TECPR2: variants seen among roughly 807,000 people sequenced by gnomAD.
The protein encoded by TECPR2 is tectonin beta-propeller repeat containing 2.
Under a neutral mutation model 138.1 loss-of-function variants are expected in TECPR2, and 65 were observed. The observed-to-expected ratio is 0.47, with a 90% CI of 0.39 to 0.58. The LOEUF (loss-of-function observed/expected upper bound fraction) is 0.58, where lower values mean the gene tolerates loss of function less well. Ranked by LOEUF, TECPR2 falls within the 20% of genes least tolerant of loss-of-function variation. TECPR2 has a pLI of 0.00. For missense variants in TECPR2, 1,553 were observed against 1,824.5 expected (o/e 0.85, Z 2.71); for synonymous variants, 746 against 749.8 (o/e 0.99, Z 0.08).
chr14:102,424,651 G>A (rs1050815140), intron 5 of TECPR2, among the ~76,000 whole-genome samples: 9 of 152,304 alleles, frequency 5.9e-5, no homozygotes, highest in East Asian at 5.8e-4. Flanking sequence ...TATGTGATGC[G>A]TGACTGTATC....
chr14:102,450,556 C>A lies in TECPR2; in HGVS notation c.3317-4C>A, dbSNP rs1198329741. ...AACACATTCTTCCTATTTACTCTTT[C>A]CAGGCACCTACTGGAATCATGTGGT... On this transcript the variant is annotated splice_region_variant and splice_polypyrimidine_tract_variant and intron_variant, in intron 14 of 19. Coordinates refer to ENST00000359520, the MANE Select transcript of TECPR2 (RefSeq NM_014844.5). The A allele has an allele frequency of 1.2e-6, 2 of 1,613,898 alleles. No homozygotes were observed. The highest frequency in any genetic ancestry group is 1.7e-5 in the Admixed American group (1 of 59,994).
chr14:102,373,273 TAC>T (rs780362583), intron 1 of TECPR2, among the ~76,000 whole-genome samples: 3 of 152,198 alleles, frequency 2.0e-5, no homozygotes, highest in Non-Finnish European at 2.9e-5. Context: ...GTTTTCAACT[TAC>T]AGAGTTTCAA....
At chr14:102,425,978 G>A (rs1285874985) in intron 6 of TECPR2, among the ~76,000 whole-genome samples, 3 of 142,292 alleles carry the variant, frequency 2.1e-5, no homozygotes, top group Non-Finnish European at 4.5e-5. Flanking sequence ...TCCACCTCCC[G>A]AGTTCAAGCG....
chr14:102,388,577 C>A (rs1888082087), intron 2 of TECPR2, among the ~76,000 whole-genome samples: 1 of 151,972 alleles, frequency 6.6e-6, no homozygotes, highest in Non-Finnish European at 1.5e-5. Flanking sequence ...GCCTGTTAAC[C>A]CAACACTTTG....
intron 17 of TECPR2, among the ~76,000 whole-genome samples, chr14:102,492,497 A>T (rs1891180262): frequency 6.6e-6 from 1 of 152,238 alleles, no homozygotes; most frequent in African/African-American, 2.4e-5. Context: ...ATTTTCCTCC[A>T]GTAATACAAA....
intron 1 of TECPR2, among the ~76,000 whole-genome samples, chr14:102,370,722 T>G (rs1887482466): frequency 6.6e-6 from 1 of 152,036 alleles, no homozygotes; most frequent in Non-Finnish European, 1.5e-5. Flanking sequence ...ATCAGGAAAA[T>G]CCCTCTGTTT....
At chr14:102,371,525 G>A (rs1887508655) in intron 1 of TECPR2, among the ~76,000 whole-genome samples, 1 of 152,102 alleles carries the variant, frequency 6.6e-6, no homozygotes, top group South Asian at 2.1e-4. Context: ...TGCCCGCTGG[G>A]GACTTCTTGG....
intron 17 of TECPR2, among the ~76,000 whole-genome samples, chr14:102,493,798 G>A (rs1028756458): frequency 2.0e-5 from 3 of 152,302 alleles, no homozygotes; most frequent in East Asian, 1.9e-4. Context: ...CGGCTCCCTC[G>A]GATCCCTTGG....
In TECPR2 at chr14:102,383,735, A is replaced by G. The variant is rs564591033; in HGVS notation, c.219+6795A>G. Among the ~76,000 whole-genome samples, 20 of 151,740 alleles carry G rather than the reference A, an allele frequency of 1.3e-4. No homozygotes were observed. In the South Asian group the frequency reaches 4.2e-3, roughly 32 times the overall value. On this transcript the variant is annotated intron_variant, in intron 2 of 19. Coordinates refer to ENST00000359520, the MANE Select transcript of TECPR2 (RefSeq NM_014844.5). ...GTATTGTCTTTTAGAAAAACTGTAT[A>G]ACTATTTAAATATTTTCAGTCACCA... is the stretch of plus-strand genomic sequence containing the variant.
chr14:102,364,328 T>TTTG (rs757069228), intron 1 of TECPR2, among the ~76,000 whole-genome samples: 1 of 152,200 alleles, frequency 6.6e-6, no homozygotes, highest in African/African-American at 2.4e-5. Context: ...TGACCTTATT[T>TTTG]TTGTTGTTGT....
Position 102,481,011 on chromosome 14 carries a change from A to AT in TECPR2, c.3789+15740dup, listed in dbSNP as rs564316192. On this transcript the variant is annotated intron_variant, in intron 17 of 19. Coordinates refer to ENST00000359520, the MANE Select transcript of TECPR2 (RefSeq NM_014844.5). The stretch of plus-strand genomic sequence containing the variant: ...AGGCACCCGCCACCACGCCTGGCTA[A>AT]TTTTTTTTTTTTTTTTTTGAGACAG... Among the ~76,000 whole-genome samples the AT allele has an allele frequency of 8.3e-3, 1,072 of 128,842 alleles. 15 individuals carry two copies. The highest frequency in any genetic ancestry group is 0.025 in the African/African-American group (861 of 34,860). 84.5% of individuals were successfully genotyped at this position (128,842 alleles called of 152,430 possible). A position where few individuals can be genotyped will look rare whatever the true frequency, so the allele number is the denominator to read the frequency against.
intron 2 of TECPR2, among the ~76,000 whole-genome samples, chr14:102,404,149 C>T (rs1452984541): frequency 6.6e-6 from 1 of 151,838 alleles, no homozygotes; most frequent in Non-Finnish European, 1.5e-5. Flanking sequence ...AGTGATCCTC[C>T]TGCCTTGGCC....
At chr14:102,401,811 A>C (rs2139686561) in intron 2 of TECPR2, among the ~76,000 whole-genome samples, 1 of 150,854 alleles carries the variant, frequency 6.6e-6, no homozygotes, top group East Asian at 1.9e-4. Flanking sequence ...TCTCAAAAAA[A>C]AAAAAAAAAA....
At position 102,432,103 on chromosome 14, in the gene TECPR2, A is replaced by C; in HGVS notation, c.1392A>C (p.Lys464Asn). The change falls in exon 8 of 20, where the codon AAA becomes AAC. Residue 464 changes from lysine to asparagine, a missense_variant. Physicochemically the swap from Lys to Asn is moderately conservative, Grantham distance 94. Transcript: ENST00000359520. ...QELVVKPIKV[K>N]RKKKKKKTEG... ...TTGTCGTGAAGCCTATCAAAGTGAA[A>C]AGGAAGAAGAAGAAGAAGAAGACAG... 6.3e-7 allele frequency: 1 copy of C among 1,592,570 alleles called. No homozygotes were observed. Among genetic ancestry groups the C allele is most frequent in the Non-Finnish European group, 8.6e-7 (1 of 1,166,798 alleles).
chr14:102,463,052 G>A (rs1238714537), intron 16 of TECPR2, among the ~76,000 whole-genome samples: 1 of 152,148 alleles, frequency 6.6e-6, no homozygotes, highest in Admixed American at 6.5e-5. Flanking sequence ...TCAGGGGTGC[G>A]GGCAGCCAGA....
chr14:102,488,591 G>C (rs1414655791), intron 17 of TECPR2, among the ~76,000 whole-genome samples: 1 of 151,906 alleles, frequency 6.6e-6, no homozygotes, highest in Non-Finnish European at 1.5e-5. Context: ...TGGTCCGCCT[G>C]CCTCAGCCTC....
chr14:102,451,492 A>G (rs1233854654), intron 15 of TECPR2, among the ~76,000 whole-genome samples: 1 of 152,196 alleles, frequency 6.6e-6, no homozygotes, highest in Admixed American at 6.5e-5. Flanking sequence ...TGAGTCTGGC[A>G]TAAATTAATT....
chr14:102,414,939 C>G lies in TECPR2; in HGVS notation c.638+146C>G, dbSNP rs534323216. 62 of 958,468 alleles carry G rather than the reference C, an allele frequency of 6.5e-5. No homozygotes were observed. In the East Asian group the frequency reaches 1.5e-3, roughly 23 times the overall value. The allele number at this position is 958,468 out of a possible 1,614,324, so 59.4% of individuals were successfully genotyped here. A position where few individuals can be genotyped will look rare whatever the true frequency, so the allele number is the denominator to read the frequency against. On this transcript the variant is annotated intron_variant, in intron 5 of 19. Coordinates refer to ENST00000359520, the MANE Select transcript of TECPR2 (RefSeq NM_014844.5). ...TAAGCCTGGGGTTCCTGGTGGGGCC[C>G]TGTGCCTGCTTAGGATTTCTCCTCC...
At chr14:102,497,850 G>T in intron 19 of TECPR2, 131 bp downstream of exon 19, 6 of 1,292,216 alleles carry the variant, frequency 4.6e-6, no homozygotes, top group Non-Finnish European at 6.2e-6. Flanking sequence ...TGAGGGCAAA[G>T]CCAGGAGTGT....
Sources: gnomAD v4.1 joint callset for allele counts (sites outside exome capture counted in the v4.1 genomes callset) on GRCh38, gnomAD v4.1.1 for gene constraint, MANE v1.5 for transcripts, NCBI Gene and HGNC (gene_info 2026-07-23, HGNC 2026-07-21) for gene names.